Variants in XPO7 observed in about 807,000 individuals in gnomAD.
XPO7 encodes exportin 7, also known as exportin-7.
A neutral mutation model predicts 144.3 loss-of-function variants in XPO7; 21 were observed. The observed-to-expected ratio is 0.15, with a 90% CI of 0.10 to 0.21. XPO7 has a LOEUF of 0.21. XPO7 is among the 10% of genes least tolerant of loss of function. XPO7 has a pLI of 1.00. For missense variants in XPO7, 808 were observed against 1,325.8 expected (o/e 0.61, Z 6.06); for synonymous variants, 580 against 499.6 (o/e 1.16, Z -2.15).
intron 25 of XPO7, 34 bp from the exon 26 acceptor site, chr8:22,003,185 G>C (rs375740435): frequency 2.2e-5 from 34 of 1,549,062 alleles, no homozygotes; most frequent in Non-Finnish European, 2.7e-5. Context: ...CAATACATTA[G>C]GTCACTGCCT....
At position 21,982,769 on chromosome 8, in the gene XPO7, G is replaced by T; in HGVS notation, c.1234G>T (p.Ala412Ser). 6.2e-7 allele frequency: 1 copy of T among 1,613,616 alleles called. No homozygotes were observed. Among genetic ancestry groups the T allele is most frequent in the Non-Finnish European group, 8.5e-7 (1 of 1,179,772 alleles). ...AACTTACACTCCTGAGGTCACCAAA[G>T]CCTACATCACATCCCGGTTGGAATC... ...LETYTPEVTK[A>S]YITSRLESVH... is the part of the protein sequence containing the mutation. Residue 412 changes from alanine (A) to serine (S), a missense_variant, in exon 11 of 28, where the codon GCC becomes TCC. Ala to Ser is a moderately conservative substitution (Grantham distance 99, BLOSUM62 1). This residue lies in a region of XPO7 where 416 missense variants were observed against 612.5 expected (regional missense o/e 0.68). Transcript: ENST00000252512.
chr8:21,997,216 G>A (rs961450832), intron 21 of XPO7, among the ~76,000 whole-genome samples: 3 of 152,292 alleles, frequency 2.0e-5, no homozygotes, highest in African/African-American at 7.2e-5. Context: ...ATAGATACTT[G>A]AGAGCACTTA....
rs1398216219 is a variant in XPO7, at chr8:22,005,942, C to G, written c.*854C>G. 6.6e-6 allele frequency: 1 copy of G among 152,212 alleles called. No individual in the cohort carries two copies. The highest frequency in any genetic ancestry group is 6.5e-5 in the Admixed American group (1 of 15,268). 9.4% of individuals were successfully genotyped at this position (152,212 alleles called of 1,614,324 possible). On this transcript the variant is annotated 3_prime_UTR_variant, in exon 28 of 28. Transcript: ENST00000252512. ...GGATTTAACGACGTGTTGTAGGGTT[C>G]TTGGTCTGTGTGAAGGCAGAGACCA...
intron 3 of XPO7, chr8:21,969,897 G>T: frequency 1.8e-6 from 1 of 547,422 alleles, no homozygotes; most frequent in Non-Finnish European, 3.2e-6. Flanking sequence ...AGCTACCTAG[G>T]GATAGAGTCA....
intron 7 of XPO7, among the ~76,000 whole-genome samples, chr8:21,977,100 T>C (rs1355956484): frequency 2.0e-5 from 3 of 152,240 alleles, no homozygotes; most frequent in Non-Finnish European, 4.4e-5. Flanking sequence ...ACTTCTGTAA[T>C]CTATTTAGGG....
chr8:21,986,301 G>A (rs1812576902), intron 13 of XPO7, among the ~76,000 whole-genome samples: 1 of 152,054 alleles, frequency 6.6e-6, no homozygotes, highest in Non-Finnish European at 1.5e-5. Context: ...TTACAGGCAT[G>A]CGTCACCACA....
intron 12 of XPO7, among the ~76,000 whole-genome samples, chr8:21,985,270 A>G (rs1390782302): frequency 6.6e-6 from 1 of 152,242 alleles, no homozygotes; most frequent in African/African-American, 2.4e-5. Flanking sequence ...AAGTACAGAT[A>G]GTAACCTGGG....
intron 24 of XPO7, 21 bp downstream of exon 24, chr8:21,999,695 G>C (rs1293992212): frequency 6.2e-7 from 1 of 1,613,426 alleles, no homozygotes; most frequent in Non-Finnish European, 8.5e-7. Context: ...GAGGTGGGTG[G>C]GTGAGTTGGT....
intron 2 of XPO7, among the ~76,000 whole-genome samples, chr8:21,967,411 A>C (rs562005510): frequency 1.3e-5 from 2 of 151,864 alleles, no homozygotes; most frequent in South Asian, 2.1e-4. Flanking sequence ...GCTCACTGCA[A>C]CCTCCACCTC....
chr8:21,954,787 T>A (rs896552002), intron 1 of XPO7, among the ~76,000 whole-genome samples: 1 of 152,246 alleles, frequency 6.6e-6, no homozygotes, highest in African/African-American at 2.4e-5. Context: ...CTTTCTCATA[T>A]TTTGACTGCT....
intron 23 of XPO7, 39 bp downstream of exon 23, chr8:21,999,344 T>C: frequency 6.2e-7 from 1 of 1,608,326 alleles, no homozygotes; most frequent in Non-Finnish European, 8.5e-7. Flanking sequence ...TTGTTCCTCA[T>C]CACATTCAGC....
chr8:21,951,810 G>T lies in XPO7; in HGVS notation c.19-15047G>T, dbSNP rs1011011981. 2.1e-5 allele frequency among the ~76,000 whole-genome samples: 3 copies of T among 144,218 alleles called. No homozygotes were observed. The East Asian group carries it at 6.2e-4, about 30-fold the overall frequency. 94.6% of individuals were successfully genotyped at this position (144,218 alleles called of 152,430 possible). On this transcript the variant is annotated intron_variant, in intron 1 of 27. Transcript: ENST00000252512. ...TTGGAAAATTCTTTATGAAGAGTAT[G>T]TATGGTACTGGAATTTACATAAAGT...
chr8:21,986,788 A>G (rs531303459), intron 13 of XPO7, among the ~76,000 whole-genome samples: 3 of 152,338 alleles, frequency 2.0e-5, no homozygotes, highest in African/African-American at 7.2e-5. Context: ...CCCACACTCA[A>G]ATATCAAATG....
In XPO7 at chr8:21,924,355, T is replaced by C. The variant is rs150114028; in HGVS notation, c.18+4567T>C. ...GCTTGATGAATTTTCACAAAGTGAA[T>C]ACTCCTTACTAACCAGCACCCAAAT... is the stretch of plus-strand genomic sequence containing the variant. On this transcript the variant is annotated intron_variant, in intron 1 of 27. Transcript: ENST00000252512. 5.4e-3 allele frequency among the ~76,000 whole-genome samples: 818 copies of C among 152,260 alleles called. 6 individuals carry two copies. The highest frequency in any genetic ancestry group is 0.019 in the African/African-American group (774 of 41,510).
intron 25 of XPO7, 36 bp from the exon 26 acceptor site, chr8:22,003,183 T>TA: frequency 1.3e-6 from 2 of 1,541,980 alleles, no homozygotes; most frequent in Non-Finnish European, 1.8e-6. Context: ...AGCAATACAT[T>TA]AGGTCACTGC....
At chr8:21,977,541 C>T (rs979750654) in intron 7 of XPO7, among the ~76,000 whole-genome samples, 1 of 152,094 alleles carries the variant, frequency 6.6e-6, no homozygotes, top group Admixed American at 6.5e-5. Context: ...GCCGAGATCT[C>T]GCCATTGCAC....
intron 20 of XPO7, 48 bp downstream of exon 20, chr8:21,994,499 G>A: frequency 1.3e-6 from 2 of 1,528,308 alleles, no homozygotes; most frequent in South Asian, 1.2e-5. Context: ...CTTAACTGGA[G>A]TGTGATTGGG....
At chr8:21,947,754 T>C (rs6998692) in intron 1 of XPO7, among the ~76,000 whole-genome samples, 32,726 of 152,096 alleles carry the variant, frequency 0.22, 5,173 homozygotes, top group African/African-American at 0.45. Context: ...CATCAAAAGA[T>C]GAGCATATGA....
Position 21,994,546 on chromosome 8 carries a change from G to A in XPO7, c.2237+95G>A, listed in dbSNP as rs1447394218. 41 of 1,164,508 alleles carry A rather than the reference G, an allele frequency of 3.5e-5. No individual in the cohort carries two copies. The Middle Eastern group carries it at 1.2e-3, about 34-fold the overall frequency. 72.1% of individuals were successfully genotyped at this position (1,164,508 alleles called of 1,614,324 possible). On this transcript the variant is annotated intron_variant, in intron 20 of 27. Coordinates refer to ENST00000252512, the MANE Select transcript of XPO7 (RefSeq NM_015024.5). ...AGAGACGGTGTAGGGGGAAGGGAGG[G>A]TAGTGAGGCAGAGAAGATGAAGAGT...
Sources: gnomAD v4.1 joint callset for allele counts (sites outside exome capture counted in the v4.1 genomes callset) on GRCh38, gnomAD v4.1.1 for gene constraint, gnomAD v4.1.1 regional missense constraint, MANE v1.5 for transcripts, NCBI Gene and HGNC (gene_info 2026-07-23, HGNC 2026-07-21) for gene names.